KLC1: variants seen among roughly 807,000 people sequenced by gnomAD.
KLC1 encodes kinesin 2 60/70kDa.
Under a neutral mutation model 84.2 loss-of-function variants are expected in KLC1, and 30 were observed. That is an observed-to-expected ratio of 0.36 (90% CI 0.27 to 0.48). The LOEUF is 0.48. Among genes scored for constraint, KLC1 ranks in the 20% least tolerant of loss-of-function variants. The pLI is 0.99. For synonymous variants in KLC1, 289 were observed against 293.3 expected (o/e 0.99, Z 0.15); for missense variants, 499 against 805.4 (o/e 0.62, Z 4.60).
At chr14:103,640,242 T>TAA (rs1215843981) in intron 1 of KLC1, among the ~76,000 whole-genome samples, 1 of 151,864 alleles carries the variant, frequency 6.6e-6, no homozygotes, top group East Asian at 1.9e-4. Context: ...GTATTTTTAA[T>TAA]AGAGACAGGG....
At chr14:103,663,037 A>T in intron 5 of KLC1, 110 bp downstream of exon 5, 1 of 653,938 alleles carries the variant, frequency 1.5e-6, no homozygotes, top group Non-Finnish European at 2.4e-6. Flanking sequence ...TTTCAACCAT[A>T]TCCACTTCTC....
Position 103,633,784 on chromosome 14 carries a change from CT to C in KLC1, c.-2+4292del, listed in dbSNP as rs527938817. Among the ~76,000 whole-genome samples the C allele has an allele frequency of 1.6e-4, 24 of 152,290 alleles. No individual in the cohort carries two copies. In the South Asian group the frequency reaches 4.4e-3, roughly 28 times the overall value. On this transcript the variant is annotated intron_variant, in intron 1 of 16. Transcript: ENST00000334553. Reference sequence around the variant, plus strand: ...TCTTGTAGTGATTAGCATTTCTTCACTTCCCCACATACTCCTTAGCCTCTGC... The same window carrying C: ...TCTTGTAGTGATTAGCATTTCTTCACTCCCCACATACTCCTTAGCCTCTGC...
chr14:103,689,859 GA>G (rs796431154), intron 14 of KLC1, among the ~76,000 whole-genome samples: 1 of 152,196 alleles, frequency 6.6e-6, no homozygotes, highest in South Asian at 2.1e-4. Flanking sequence ...AAGGGGGTTT[GA>G]GGGAAGGTTG....
intron 5 of KLC1, among the ~76,000 whole-genome samples, chr14:103,664,604 T>C (rs2079587244): frequency 6.6e-6 from 1 of 151,996 alleles, no homozygotes; most frequent in South Asian, 2.1e-4. Context: ...AACCTCTGAC[T>C]CCTGGCCTCA....
intron 1 of KLC1, among the ~76,000 whole-genome samples, chr14:103,642,169 AT>A (rs2077545895): frequency 6.6e-6 from 1 of 152,004 alleles, no homozygotes; most frequent in African/African-American, 2.4e-5. Context: ...ATTTCAGGTG[AT>A]TCACCCACCT....
chr14:103,644,425 A>AT (rs933584533), intron 1 of KLC1, among the ~76,000 whole-genome samples: 1 of 151,594 alleles, frequency 6.6e-6, no homozygotes, highest in African/African-American at 2.4e-5. Flanking sequence ...CACCCGGCTA[A>AT]TTTTTTTGTG....
At chr14:103,698,324 A>C in intron 15 of KLC1, 1 of 187,306 alleles carries the variant, frequency 5.3e-6, no homozygotes. Flanking sequence ...CTGTGGCCTG[A>C]GTGGTGGGGG....
At chr14:103,701,104 G>A in intron 16 of KLC1, 97 bp from the exon 17 acceptor site, 2 of 1,438,886 alleles carry the variant, frequency 1.4e-6, no homozygotes, top group Non-Finnish European at 1.9e-6. Flanking sequence ...AGGCAGACTT[G>A]GGGTGGGGGT....
At chr14:103,633,596 G>T (rs532241176) in intron 1 of KLC1, among the ~76,000 whole-genome samples, 10 of 152,236 alleles carry the variant, frequency 6.6e-5, no homozygotes, top group Admixed American at 1.3e-4. Context: ...ATGAGGAGCT[G>T]CAGGGAGGAC....
At chr14:103,679,357 A>G in intron 12 of KLC1, 27 bp from the exon 13 acceptor site, 1 of 1,613,418 alleles carries the variant, frequency 6.2e-7, no homozygotes, top group East Asian at 2.2e-5. Flanking sequence ...TAATGGGTCA[A>G]ACCATTTTCC....
Position 103,694,064 on chromosome 14 carries a change from T to C in KLC1, c.1848+1639T>C, listed in dbSNP as rs182664332. 1 of 989,154 alleles carries C rather than the reference T, an allele frequency of 1.0e-6. No individual in the cohort carries two copies. Among genetic ancestry groups the C allele is most frequent in the Admixed American group, 5.9e-5 (1 of 16,938 alleles). The allele number at this position is 989,154 out of a possible 1,614,324, so 61.3% of individuals were successfully genotyped here. On this transcript the variant is annotated intron_variant, in intron 15 of 16. Transcript: ENST00000334553. The surrounding 1 kb of genome is among the most constrained non-coding windows in gnomAD (Gnocchi z 4.5). ...AGAACGATAGGCATTTAGTGATCTA[T>C]GGCAGTAAAGCCTGAAGCTTAGCGG...
intron 11 of KLC1, 46 bp from the exon 12 acceptor site, chr14:103,677,369 C>G (rs150244839): frequency 8.7e-7 from 1 of 1,144,360 alleles, no homozygotes; most frequent in Non-Finnish European, 1.3e-6. Context: ...AGTGGTTGTT[C>G]AGAGCTTATA....
chr14:103,698,718 C>T, intron 15 of KLC1: 1 of 1,332,684 alleles, frequency 7.5e-7, no homozygotes, highest in Non-Finnish European at 1.1e-6. Flanking sequence ...TGTGCCACGG[C>T]CCAGGCAGAC....
chr14:103,654,835 A>C lies in KLC1; in HGVS notation c.261+10A>C. ...CCTGAGTGAGGCACAGGTACGAGTG[A>C]GAATGACTCAGACGTTATCAGGAAC... On this transcript the variant is annotated intron_variant, in intron 2 of 16. Coordinates refer to ENST00000334553, the MANE Select transcript of KLC1 (RefSeq NM_001394837.1). 1 of 1,610,792 alleles carries C rather than the reference A, an allele frequency of 6.2e-7. No homozygotes were observed. Among genetic ancestry groups the C allele is most frequent in the Non-Finnish European group, 8.5e-7 (1 of 1,178,248 alleles).
At chr14:103,685,655 T>A in intron 13 of KLC1, 1 of 1,289,494 alleles carries the variant, frequency 7.8e-7, no homozygotes, top group South Asian at 1.2e-5. Context: ...CGCCCGTGAC[T>A]CTCACACTGT....
intron 1 of KLC1, among the ~76,000 whole-genome samples, chr14:103,646,641 C>T (rs905795208): frequency 6.6e-6 from 1 of 151,730 alleles, no homozygotes; most frequent in Non-Finnish European, 1.5e-5. Context: ...TTTTTTCTTT[C>T]TTTTTTTTCT....
At chr14:103,632,743 CA>C (rs2076777844) in intron 1 of KLC1, among the ~76,000 whole-genome samples, 1 of 151,820 alleles carries the variant, frequency 6.6e-6, no homozygotes, top group African/African-American at 2.4e-5. Context: ...AACCAAAAAA[CA>C]AAAAAACTCT....
chr14:103,652,388 A>G (rs1018228487), intron 1 of KLC1, among the ~76,000 whole-genome samples: 22 of 152,160 alleles, frequency 1.4e-4, no homozygotes, highest in Admixed American at 1.4e-3. Context: ...ACTCAGCAAT[A>G]TATTCCCAGC....
In KLC1 at chr14:103,638,656, ATTTTTTTTT is replaced by A. The variant is rs57470429; in HGVS notation, c.-2+9177_-2+9185del. Among the ~76,000 whole-genome samples, 822 of 100,130 alleles carry A rather than the reference ATTTTTTTTT, an allele frequency of 8.2e-3. 5 individuals are homozygous for A. Among genetic ancestry groups the A allele is most frequent in the Non-Finnish European group, 0.014 (676 of 49,144 alleles). The allele number at this position is 100,130 out of a possible 152,430, so 65.7% of individuals were successfully genotyped here. A position where few individuals can be genotyped will look rare whatever the true frequency, so the allele number is the denominator to read the frequency against. On this transcript the variant is annotated intron_variant, in intron 1 of 16. Transcript: ENST00000334553. ...TCTGGCCTTTGCTTTCATTTCATTA[ATTTTTTTTT>A]TTTTTTTTTTTTTTGAGTCAGAGTC...
Sources: allele counts gnomAD v4.1 joint callset (sites outside exome capture counted in the v4.1 genomes callset), GRCh38; gene constraint gnomAD v4.1.1; non-coding constraint Gnocchi (gnomAD v3.1); transcripts MANE v1.5; gene names NCBI Gene and HGNC (gene_info 2026-07-23, HGNC 2026-07-21).